The following PTPRD variants were observed in gnomAD, a reference collection of about 807,000 sequenced individuals.
PTPRD encodes protein tyrosine phosphatase receptor type D.
A neutral mutation model predicts 214.5 loss-of-function variants in PTPRD; 34 were observed. The observed-to-expected ratio is 0.16, with a 90% CI of 0.12 to 0.21. PTPRD has a LOEUF of 0.21. Among genes scored for constraint, PTPRD ranks in the 10% least tolerant of loss-of-function variants. PTPRD has a pLI of 1.00. For missense variants in PTPRD, 2,545 were observed against 2,398.7 expected (o/e 1.06, Z -1.27); for synonymous variants, 1,128 against 845.7 (o/e 1.33, Z -5.79).
chr9:9,765,631 C>G (rs1318277784), intron 6 of PTPRD, among the ~76,000 whole-genome samples: 1 of 152,140 alleles, frequency 6.6e-6, no homozygotes, highest in Non-Finnish European at 1.5e-5. Flanking sequence ...TCTCCCACTA[C>G]CTAATCCTGA....
chr9:9,960,747 G>A (rs888737238), intron 4 of PTPRD, among the ~76,000 whole-genome samples: 12 of 152,036 alleles, frequency 7.9e-5, no homozygotes, highest in Admixed American at 6.6e-4. Flanking sequence ...CAACCAAGAG[G>A]ACCCTAAAGA....
At chr9:9,775,502 T>A (rs1223140297) in intron 5 of PTPRD, among the ~76,000 whole-genome samples, 2 of 152,164 alleles carry the variant, frequency 1.3e-5, no homozygotes, top group Non-Finnish European at 2.9e-5. Context: ...TTTCTAGGAT[T>A]TTACACCTAA....
chr9:10,283,345 C>T (rs906261147), intron 3 of PTPRD, among the ~76,000 whole-genome samples: 1 of 152,064 alleles, frequency 6.6e-6, no homozygotes, highest in Non-Finnish European at 1.5e-5. Flanking sequence ...ATATCTTCAC[C>T]ATTAGAATGT....
intron 2 of PTPRD, among the ~76,000 whole-genome samples, chr9:10,484,624 T>G (rs528301015): frequency 1.3e-5 from 2 of 152,138 alleles, no homozygotes; most frequent in Non-Finnish European, 2.9e-5. Flanking sequence ...TGATTTGCAT[T>G]TCTCTGATGA....
intron 5 of PTPRD, among the ~76,000 whole-genome samples, chr9:9,775,954 CAAAAAAAAAA>C (rs59412193): frequency 6.9e-5 from 2 of 28,920 alleles, no homozygotes; most frequent in South Asian, 2.4e-3. Flanking sequence ...GACTCTGTCT[CAAAAAAAAAA>C]AAAAAAAAAA....
chr9:8,600,228 G>A (rs984992514), intron 14 of PTPRD, among the ~76,000 whole-genome samples: 1 of 152,184 alleles, frequency 6.6e-6, no homozygotes, highest in Non-Finnish European at 1.5e-5. Context: ...CTAGCCAGAC[G>A]GAGGGGATTG....
chr9:9,195,037 T>C (rs2099937513), intron 9 of PTPRD, among the ~76,000 whole-genome samples: 1 of 150,358 alleles, frequency 6.7e-6, no homozygotes, highest in South Asian at 2.1e-4. Flanking sequence ...TGTGTGTGTA[T>C]ATATATACAT....
intron 7 of PTPRD, among the ~76,000 whole-genome samples, chr9:9,695,676 G>C (rs1217846278): frequency 6.6e-6 from 1 of 152,022 alleles, no homozygotes; most frequent in Non-Finnish European, 1.5e-5. Flanking sequence ...TTTGTTCTCG[G>C]TTTTGTTAAT....
At chr9:8,965,777 G>C (rs1335349524) in intron 11 of PTPRD, among the ~76,000 whole-genome samples, 1 of 152,058 alleles carries the variant, frequency 6.6e-6, no homozygotes, top group Non-Finnish European at 1.5e-5. Flanking sequence ...AGCATCAGAA[G>C]TTCTAGCCAG....
At chr9:8,562,025 T>C (rs1445198156) in intron 14 of PTPRD, among the ~76,000 whole-genome samples, 3 of 152,176 alleles carry the variant, frequency 2.0e-5, no homozygotes, top group Non-Finnish European at 4.4e-5. Context: ...AAACTGGGAA[T>C]AACCTAATAT....
chr9:9,200,103 G>A (rs745319289), intron 9 of PTPRD, among the ~76,000 whole-genome samples: 19 of 152,174 alleles, frequency 1.2e-4, no homozygotes, highest in Non-Finnish European at 2.4e-4. Flanking sequence ...GTCTGTTAGC[G>A]AGGAAATAAG....
chr9:8,913,804 A>C (rs7027460), intron 11 of PTPRD, among the ~76,000 whole-genome samples: 35,931 of 151,974 alleles, frequency 0.24, 5,920 homozygotes, highest in African/African-American at 0.45. Context: ...ATGAGACTGG[A>C]AGTCAGTGAG....
intron 2 of PTPRD, among the ~76,000 whole-genome samples, chr9:10,356,761 C>A (rs772498054): frequency 6.6e-6 from 1 of 151,908 alleles, no homozygotes; most frequent in Non-Finnish European, 1.5e-5. Context: ...CTTACAGAAA[C>A]CTCTGTCTCC....
chr9:8,331,480 A>C, intron 44 of PTPRD, 102 bp downstream of exon 44: 1 of 1,357,880 alleles, frequency 7.4e-7, no homozygotes, highest in Non-Finnish European at 1.0e-6. Flanking sequence ...ATACATTGCC[A>C]AGAATAAAAT....
chr9:9,297,624 GTTA>G (rs1256544209), intron 9 of PTPRD, among the ~76,000 whole-genome samples: 6 of 151,576 alleles, frequency 4.0e-5, no homozygotes, highest in African/African-American at 1.5e-4. Flanking sequence ...TTAGTTAAGA[GTTA>G]CACATTATTA....
chr9:10,254,257 T>C (rs1300216075), intron 3 of PTPRD, among the ~76,000 whole-genome samples: 2 of 152,250 alleles, frequency 1.3e-5, no homozygotes, highest in African/African-American at 2.4e-5. Context: ...TAACTGAATG[T>C]ATAAGTTATT....
intron 44 of PTPRD, 70 bp downstream of exon 44, chr9:8,331,512 C>CA (rs1414458078): frequency 1.3e-6 from 2 of 1,544,416 alleles, no homozygotes; most frequent in Non-Finnish European, 1.8e-6. Flanking sequence ...AAACTTACTA[C>CA]AAAAAGTGTA....
intron 10 of PTPRD, among the ~76,000 whole-genome samples, chr9:9,156,638 G>A (rs985482327): frequency 6.6e-6 from 1 of 152,000 alleles, no homozygotes; most frequent in East Asian, 1.9e-4. Context: ...GATTCACAGC[G>A]GCGTCATGTA....
At chr9:9,731,145 G>A (rs2098184083) in intron 7 of PTPRD, among the ~76,000 whole-genome samples, 1 of 152,016 alleles carries the variant, frequency 6.6e-6, no homozygotes, top group Non-Finnish European at 1.5e-5. Context: ...TTACTTTGAA[G>A]TAAATTTTTA....
Sources: allele counts gnomAD v4.1 joint callset (sites outside exome capture counted in the v4.1 genomes callset), GRCh38; gene constraint gnomAD v4.1.1; transcripts MANE v1.5; gene names NCBI Gene and HGNC (gene_info 2026-07-23, HGNC 2026-07-21).